UBE3B: variants seen among roughly 807,000 people sequenced by gnomAD.
The protein encoded by UBE3B is ubiquitin protein ligase E3B.
In UBE3B, 80 loss-of-function variants were observed where a neutral mutation model predicts 132.3. The observed-to-expected ratio is 0.60, with a 90% CI of 0.50 to 0.73. The LOEUF (loss-of-function observed/expected upper bound fraction) is 0.73, where lower values mean the gene tolerates loss of function less well. Among genes scored for constraint, UBE3B ranks in the 30% least tolerant of loss-of-function variants. The probability of loss-of-function intolerance (pLI) is 0.00; values close to 1 mark genes in which losing one functional copy is unlikely to be tolerated. For missense variants in UBE3B, 1,196 were observed against 1,362.5 expected, an observed-to-expected ratio of 0.88 and a Z score of 1.92; for synonymous variants, 487 against 520.4, an observed-to-expected ratio of 0.94 and a Z score of 0.87.
intron 1 of UBE3B, 36 bp from the exon 2 acceptor site, chr12:109,481,601 C>T (rs1396062819): frequency 6.6e-6 from 1 of 152,154 alleles, no homozygotes; most frequent in African/African-American, 2.4e-5. Flanking sequence ...TAAAATTTAA[C>T]CCTAAGTCTG....
At position 109,511,314 on chromosome 12, in the gene UBE3B, C is replaced by G. The variant is rs771411711; in HGVS notation, c.1956+11C>G. 3 of 1,613,094 alleles carry G rather than the reference C, an allele frequency of 1.9e-6. No homozygotes were observed. The highest frequency in any genetic ancestry group is 3.3e-4 in the Middle Eastern group (2 of 6,060). On this transcript the variant is annotated intron_variant, in intron 18 of 27. Transcript: ENST00000342494. ...ATCCCTCACAAAAACGTGAGTTGCA[C>G]TCAGAGCTGGGCCCCGATGTGTCTT...
chr12:109,518,342 C>A (rs1036570801), intron 19 of UBE3B, among the ~76,000 whole-genome samples: 5 of 152,168 alleles, frequency 3.3e-5, no homozygotes, highest in Non-Finnish European at 7.3e-5. Context: ...GGCTCCATAA[C>A]GCTCTTGAGT....
At chr12:109,489,581 A>C (rs1246747239) in intron 7 of UBE3B, among the ~76,000 whole-genome samples, 1 of 152,176 alleles carries the variant, frequency 6.6e-6, no homozygotes, top group Non-Finnish European at 1.5e-5. Context: ...CATTGAGGAG[A>C]GTAGGCATCC....
At chr12:109,537,998 G>T (rs556785731), downstream of UBE3B, among the ~76,000 whole-genome samples, 1 of 152,194 alleles carries the variant, frequency 6.6e-6, no homozygotes, top group South Asian at 2.1e-4. Context: ...ACCGCGCCCG[G>T]CCAACATTCT....
intron 19 of UBE3B, chr12:109,518,075 G>A: frequency 3.3e-6 from 1 of 306,028 alleles, no homozygotes. Flanking sequence ...AGTAAAGCTG[G>A]CTGAGTGGGT....
chr12:109,488,141 G>C (rs1467461212), intron 6 of UBE3B, among the ~76,000 whole-genome samples: 1 of 152,208 alleles, frequency 6.6e-6, no homozygotes, highest in Non-Finnish European at 1.5e-5. Context: ...AGGAAACCGA[G>C]GCACAGAAAG....
chr12:109,533,566 C>T lies in UBE3B; in HGVS notation c.3015+8C>T, dbSNP rs1450494079. The T allele has an allele frequency of 2.5e-6, 4 of 1,610,644 alleles. No individual in the cohort carries two copies. The South Asian group carries it at 3.3e-5, about 13-fold the overall frequency. ...GAGGTGTCGGACGATCAGGTACCCC[C>T]ACGGGGTGGGTGGGGAAGAGCCTTG... On this transcript the variant is annotated splice_region_variant and intron_variant, in intron 27 of 27. Transcript: ENST00000342494.
At chr12:109,481,974 A>G (rs972342577) in intron 2 of UBE3B, among the ~76,000 whole-genome samples, 2 of 152,142 alleles carry the variant, frequency 1.3e-5, no homozygotes, top group African/African-American at 4.8e-5. Context: ...TTGACAGATC[A>G]CTGTTGAGAA....
intron 24 of UBE3B, 119 bp from the exon 25 acceptor site, chr12:109,529,771 G>C (rs184463990): frequency 8.7e-7 from 1 of 1,144,880 alleles, no homozygotes; most frequent in East Asian, 2.4e-5. Context: ...AAACACTCTG[G>C]TACTATTTGT....
chr12:109,495,041 GT>G (rs1227919090), intron 9 of UBE3B, among the ~76,000 whole-genome samples: 1 of 152,192 alleles, frequency 6.6e-6, no homozygotes, highest in Non-Finnish European at 1.5e-5. Flanking sequence ...GTGCTCTTCT[GT>G]TTTAAACTTC....
In UBE3B at chr12:109,521,439, A is replaced by T. The variant is rs767893655; in HGVS notation, c.2254-2A>T. On this transcript the variant is annotated splice_acceptor_variant, in intron 20 of 27. Coordinates refer to ENST00000342494, the MANE Select transcript of UBE3B (RefSeq NM_130466.4). LOFTEE classifies it high-confidence loss of function. The surrounding 1 kb of genome is among the most constrained non-coding windows in gnomAD (Gnocchi z 4.2). ...GCCTCTCCCCGTCTTTTTGCCTTGC[A>T]GACAACCAGTGGGGATGAGAGGCTG... 6.3e-7 allele frequency: 1 copy of T among 1,579,586 alleles called. No homozygotes were observed. The highest frequency in any genetic ancestry group is 8.6e-7 in the Non-Finnish European group (1 of 1,156,720).
intron 5 of UBE3B, among the ~76,000 whole-genome samples, 183 bp from the exon 6 acceptor site, chr12:109,486,288 A>G (rs1382403255): frequency 1.3e-5 from 2 of 152,192 alleles, no homozygotes; most frequent in African/African-American, 4.8e-5. Context: ...AAATTTTCTT[A>G]CTAGGCTATT....
chr12:109,533,575 G>T lies in UBE3B; in HGVS notation c.3015+17G>T, dbSNP rs776453882. On this transcript the variant is annotated intron_variant, in intron 27 of 27. Transcript: ENST00000342494. ...GACGATCAGGTACCCCCACGGGGTGGGTGGGGAAGAGCCTTGACTTCCCTC... is the reference window on the plus strand; with the variant it reads ...GACGATCAGGTACCCCCACGGGGTGTGTGGGGAAGAGCCTTGACTTCCCTC... The T allele has an allele frequency of 3.7e-6, 6 of 1,604,872 alleles. No homozygotes were observed. Among genetic ancestry groups the T allele is most frequent in the Non-Finnish European group, 4.3e-6 (5 of 1,173,900 alleles).
chr12:109,524,326 T>C (rs1309410758), intron 22 of UBE3B, 112 bp from the exon 23 acceptor site: 32 of 1,437,104 alleles, frequency 2.2e-5, no homozygotes, highest in Non-Finnish European at 3.0e-5. Context: ...GTCAAGCTGT[T>C]CAGCAGCCAT....
At chr12:109,486,382 C>A (rs1353258213) in intron 5 of UBE3B, 89 bp from the exon 6 acceptor site, 2 of 1,084,246 alleles carry the variant, frequency 1.8e-6, no homozygotes, top group East Asian at 2.4e-5. Context: ...GGCACTGGAC[C>A]TAACTAATAG....
chr12:109,492,313 G>A (rs537505112), intron 9 of UBE3B: 3 of 150,710 alleles, frequency 2.0e-5, no homozygotes, highest in Admixed American at 6.6e-5. Context: ...AATGCTCAGC[G>A]GCCACATGTA....
downstream of UBE3B, among the ~76,000 whole-genome samples, chr12:109,538,924 G>C (rs527574666): frequency 6.6e-6 from 1 of 152,224 alleles, no homozygotes; most frequent in Admixed American, 6.5e-5. This position sits in a 1 kb window ranked among gnomAD's most constrained non-coding sequence, Gnocchi z 4.1. Flanking sequence ...ACATACAATC[G>C]CTTGGACTGT....
intron 13 of UBE3B, 94 bp downstream of exon 13, chr12:109,501,628 G>C: frequency 6.9e-7 from 1 of 1,441,096 alleles, no homozygotes; most frequent in Non-Finnish European, 9.3e-7. Context: ...GTGTTTGTGG[G>C]ATGCTCTAAC....
At chr12:109,537,745 C>T (rs1376610676), downstream of UBE3B, among the ~76,000 whole-genome samples, 2 of 152,244 alleles carry the variant, frequency 1.3e-5, no homozygotes, top group Admixed American at 6.5e-5. Flanking sequence ...CTCGCTGTCG[C>T]CCAGGTTGGA....
Sources: gnomAD v4.1 joint callset for allele counts (sites outside exome capture counted in the v4.1 genomes callset) on GRCh38, gnomAD v4.1.1 for gene constraint, Gnocchi (gnomAD v3.1) non-coding constraint, MANE v1.5 for transcripts, NCBI Gene and HGNC (gene_info 2026-07-23, HGNC 2026-07-21) for gene names.